The following MOBP variants were observed in gnomAD, a reference collection of about 807,000 sequenced individuals.
The protein encoded by MOBP is myelin-associated oligodendrocyte basic protein.
Under a neutral mutation model 15.0 loss-of-function variants are expected in MOBP, and 5 were observed. The ratio of observed to expected loss-of-function variants is 0.33; its 90% CI spans 0.17 to 0.70. The LOEUF (loss-of-function observed/expected upper bound fraction) is 0.70, where lower values mean the gene tolerates loss of function less well. Ranked by LOEUF, MOBP falls within the 30% of genes least tolerant of loss-of-function variation. MOBP has a pLI of 0.67. For synonymous variants in MOBP, 88 were observed against 99.0 expected, an observed-to-expected ratio of 0.89 and a Z score of 0.66; for missense variants, 188 against 257.8, an observed-to-expected ratio of 0.73 and a Z score of 1.85.
Position 39,508,239 on chromosome 3 carries a change from C to T in MOBP, c.*-5144C>T, listed in dbSNP as rs189757512. Among the ~76,000 whole-genome samples the T allele has an allele frequency of 2.0e-4, 31 of 152,328 alleles. 1 individual carries two copies. In the East Asian group the frequency reaches 3.5e-3, roughly 17 times the overall value. ...TGTAGTTTATATGCTCACACACATA[C>T]TTCATATGTATCAGGCTTACTGAAG... On this transcript the variant is annotated intron_variant, in intron 4 of 4. Transcript: ENST00000311042.
At position 39,502,084 on chromosome 3, in the gene MOBP, G is replaced by C. The variant is rs751328231; in HGVS notation, c.15G>C (p.Pro5=). 1.2e-6 allele frequency: 2 copies of C among 1,613,968 alleles called. No individual in the cohort carries two copies. The highest frequency in any genetic ancestry group is 1.7e-6 in the Non-Finnish European group (2 of 1,180,024). MSQK[P]AKEGPRLSKN... ...TTTCCAGTGAGATGAGTCAGAAACCGGCCAAGGAGGGTCCCAGACTCTCCA... is the reference window on the plus strand; with the variant it reads ...TTTCCAGTGAGATGAGTCAGAAACCCGCCAAGGAGGGTCCCAGACTCTCCA... The change falls in exon 3 of 4, where the codon CCG becomes CCC. Residue 5 remains proline, a synonymous_variant. Coordinates refer to ENST00000684792, the MANE Select transcript of MOBP (RefSeq NM_001393704.1). The surrounding 1 kb of genome is among the most constrained non-coding windows in gnomAD (Gnocchi z 6.3).
intron 2 of MOBP, among the ~76,000 whole-genome samples, chr3:39,499,077 C>T (rs536434749): frequency 6.6e-6 from 1 of 152,212 alleles, no homozygotes; most frequent in East Asian, 1.9e-4. Flanking sequence ...GAAAAGGTGA[C>T]CCTAGAAGGC....
chr3:39,502,785 C>T lies in MOBP; in HGVS notation c.457C>T (p.Pro153Ser). ...VRPPPAKQRP[P>S]QKSKQQPRSS... ...ACCACCGCCAGCCAAGCAGCGTCCC[C>T]CTCAGAAGTCCAAGCAACAGCCGCG... The change falls in exon 4 of 4, where the codon CCT (proline) becomes TCT (serine). Residue 153 changes from proline to serine, a missense_variant. By Grantham distance (74) the Pro-to-Ser change is moderately conservative. This residue lies in a region of MOBP where 55 missense variants were observed against 45.2 expected (regional missense o/e 1.22). Coordinates refer to ENST00000684792, the MANE Select transcript of MOBP (RefSeq NM_001393704.1). The surrounding 1 kb of genome is among the most constrained non-coding windows in gnomAD (Gnocchi z 6.3). 1.3e-6 allele frequency: 2 copies of T among 1,535,658 alleles called. No individual in the cohort carries two copies. The highest frequency in any genetic ancestry group is 1.7e-6 in the Non-Finnish European group (2 of 1,146,656).
downstream of MOBP, among the ~76,000 whole-genome samples, chr3:39,504,937 C>G (rs1394501148): frequency 6.6e-6 from 1 of 152,218 alleles, no homozygotes. Context: ...TGGCAAAGGC[C>G]TAATTGGATT....
Position 39,502,710 on chromosome 3 carries a change from C to T in MOBP, c.382C>T (p.Arg128Trp), listed in dbSNP as rs1425074271. Residue 128 changes from arginine (R) to tryptophan (W), a missense_variant, in exon 4 of 4, where the codon CGG (arginine) becomes TGG (tryptophan). Physicochemically the swap from Arg to Trp is moderately radical, Grantham distance 101 (BLOSUM62 -3). Around this residue, in one of 2 missense-constraint regions of MOBP, gnomAD observed 133 missense variants for 212.5 expected, o/e 0.63. Transcript: ENST00000684792. This position sits in a 1 kb window ranked among gnomAD's most constrained non-coding sequence, Gnocchi z 6.3. ...RSPPRSERQP[R>W]SPPRSERQPR... ...CCCTCCGAGGTCTGAGCGTCAGCCACGGTCCCCTCCGAGGTCTGAGCGTCA... is the reference window on the plus strand; with the variant it reads ...CCCTCCGAGGTCTGAGCGTCAGCCATGGTCCCCTCCGAGGTCTGAGCGTCA... The T allele has an allele frequency of 1.3e-6, 2 of 1,534,140 alleles. No homozygotes were observed. Among genetic ancestry groups the T allele is most frequent in the Non-Finnish European group, 8.7e-7 (1 of 1,146,056 alleles).
Position 39,478,710 on chromosome 3 carries a change from G to A in MOBP, c.-88-1330G>A, listed in dbSNP as rs191290594. Among the ~76,000 whole-genome samples, 351 of 152,032 alleles carry A rather than the reference G, an allele frequency of 2.3e-3. 1 individual carries two copies. The highest frequency in any genetic ancestry group is 3.4e-3 in the Non-Finnish European group (229 of 67,972). On this transcript the variant is annotated intron_variant, in intron 1 of 3. Coordinates refer to ENST00000684792, the MANE Select transcript of MOBP (RefSeq NM_001393704.1). ...TCTCAAGGATCATAGCCCTGCAATC[G>A]TTGCCATCCAGTGCCTGAGAATAAT...
At chr3:39,520,130 C>T (rs2043248288), downstream of MOBP, among the ~76,000 whole-genome samples, 1 of 152,068 alleles carries the variant, frequency 6.6e-6, no homozygotes, top group South Asian at 2.1e-4. Context: ...CTGATTTTTC[C>T]CAAACCAGCT....
At chr3:39,506,175 C>T (rs1471685136), downstream of MOBP, among the ~76,000 whole-genome samples, 6 of 152,252 alleles carry the variant, frequency 3.9e-5, no homozygotes, top group African/African-American at 1.2e-4. Context: ...AGCATTTTGA[C>T]GTGTTTTGCT....
intron 1 of MOBP, among the ~76,000 whole-genome samples, chr3:39,471,375 T>C (rs2042467121): frequency 6.6e-6 from 1 of 152,118 alleles, no homozygotes; most frequent in South Asian, 2.1e-4. Flanking sequence ...GTGATCTGCC[T>C]GCCTCAGCCT....
chr3:39,509,337 A>G (rs948952600), intron 4 of MOBP, among the ~76,000 whole-genome samples: 1 of 152,188 alleles, frequency 6.6e-6, no homozygotes, highest in Non-Finnish European at 1.5e-5. Flanking sequence ...AACATTTTTC[A>G]TTCCTACCAG....
At chr3:39,508,645 G>A (rs984919960) in intron 4 of MOBP, among the ~76,000 whole-genome samples, 5 of 151,592 alleles carry the variant, frequency 3.3e-5, no homozygotes, top group African/African-American at 4.9e-5. Context: ...TGCCTTCTGG[G>A]TTCAAGTGAT....
chr3:39,485,681 G>A (rs1257897952), intron 2 of MOBP, among the ~76,000 whole-genome samples: 1 of 152,152 alleles, frequency 6.6e-6, no homozygotes, highest in Non-Finnish European at 1.5e-5. Context: ...CGGCCTGTGG[G>A]CGTTCCTCTC....
At chr3:39,526,900 C>T (rs2125678715), downstream of MOBP, 1 of 151,998 alleles carries the variant, frequency 6.6e-6, no homozygotes, top group Non-Finnish European at 1.5e-5. Context: ...CCTCAGCCTC[C>T]CAAGTAGCTG....
chr3:39,527,916 G>GC (rs1031425231), downstream of MOBP: 1 of 152,180 alleles, frequency 6.6e-6, no homozygotes, highest in African/African-American at 2.4e-5. Flanking sequence ...GATGGGATCT[G>GC]CACACTGTAA....
chr3:39,475,276 TG>T lies in MOBP; in HGVS notation c.-88-4763del, dbSNP rs1245889740. 1.3e-4 allele frequency among the ~76,000 whole-genome samples: 20 copies of T among 152,346 alleles called. 1 individual carries two copies. Among genetic ancestry groups the T allele is most frequent in the Admixed American group, 1.2e-3 (19 of 15,300 alleles). On this transcript the variant is annotated intron_variant, in intron 1 of 3. Transcript: ENST00000684792. Reference sequence around the variant, plus strand: ...TCTCATATCAGAGAATAAACGAGGATGATCTGTCTTATTACTGGTGATGTTA... The same window carrying T: ...TCTCATATCAGAGAATAAACGAGGATATCTGTCTTATTACTGGTGATGTTA...
rs769133344 is a variant in MOBP at position 39,502,147 on chromosome 3, C to T, written c.78C>T (p.Cys26=). Residue 26 remains cysteine (C), a synonymous_variant, in exon 3 of 4, where the codon TGC becomes TGT. Coordinates refer to ENST00000684792, the MANE Select transcript of MOBP (RefSeq NM_001393704.1). This position sits in a 1 kb window ranked among gnomAD's most constrained non-coding sequence, Gnocchi z 6.3. ...QKYSEHFSIH[C]CPPFTFLNSK... is the part of the protein sequence containing the mutation. Reference sequence around the variant, plus strand: ...ACTCCGAACACTTCAGCATACACTGCTGCCCGCCGTTCACCTTCCTCAATT... The same window carrying T: ...ACTCCGAACACTTCAGCATACACTGTTGCCCGCCGTTCACCTTCCTCAATT... 20 of 1,614,152 alleles carry T rather than the reference C, an allele frequency of 1.2e-5. No homozygotes were observed. In the South Asian group the frequency reaches 2.2e-4, roughly 18 times the overall value.
Position 39,513,342 on chromosome 3 carries a change from T to C in MOBP, c.*-41T>C, listed in dbSNP as rs188200484. 1.9e-3 allele frequency: 3,036 copies of C among 1,577,626 alleles called. 3 individuals are homozygous for C. Among genetic ancestry groups the C allele is most frequent in the Non-Finnish European group, 2.3e-3 (2,691 of 1,147,376 alleles). ...AGAAAGAGAGAGAGTATACATCACC[T>C]ACCTATGTCATGTGTTTTTCTTTTT... On this transcript the variant is annotated intron_variant, in intron 4 of 4. Transcript: ENST00000311042.
At chr3:39,483,092 C>T (rs899942250) in intron 2 of MOBP, among the ~76,000 whole-genome samples, 1 of 152,196 alleles carries the variant, frequency 6.6e-6, no homozygotes, top group Non-Finnish European at 1.5e-5. Flanking sequence ...AAAGATGGTA[C>T]TTGTTTAATG....
At chr3:39,498,333 G>T (rs76431063) in intron 2 of MOBP, among the ~76,000 whole-genome samples, 228 of 115,302 alleles carry the variant, frequency 2.0e-3, no homozygotes, top group East Asian at 4.2e-3. Flanking sequence ...GCAGTTTTTT[G>T]TTGTTGTTGT....
Sources: gnomAD v4.1 joint callset for allele counts (sites outside exome capture counted in the v4.1 genomes callset) on GRCh38, gnomAD v4.1.1 for gene constraint, gnomAD v4.1.1 regional missense constraint, Gnocchi (gnomAD v3.1) non-coding constraint, MANE v1.5 for transcripts, NCBI Gene and HGNC (gene_info 2026-07-23, HGNC 2026-07-21) for gene names.